Variants in CCDC192 observed in about 807,000 individuals in gnomAD.
CCDC192 encodes the protein coiled-coil domain containing 192, also known as coiled-coil domain-containing protein 192.
In CCDC192 at chr5:127,766,885, C is replaced by T. The variant is rs1380276402; in HGVS notation, c.222+12510C>T. Among the ~76,000 whole-genome samples the T allele has an allele frequency of 2.6e-5, 4 of 152,274 alleles. No homozygotes were observed. The East Asian group carries it at 7.7e-4, about 29-fold the overall frequency. On this transcript the variant is annotated intron_variant, in intron 3 of 6. Coordinates refer to ENST00000514853, the MANE Select transcript of CCDC192 (RefSeq NM_001317938.2). ...TCCATTCTGGTGGGAACAATCACTT[C>T]CTGCTTTAAAATTCATCTGGGAACA...
intron 6 of CCDC192, among the ~76,000 whole-genome samples, chr5:127,888,503 G>A (rs1752640863): frequency 6.6e-6 from 1 of 151,612 alleles, no homozygotes; most frequent in African/African-American, 2.4e-5. Flanking sequence ...TTTGAAATCA[G>A]GACCATGCTC....
intron 4 of CCDC192, 24 bp from the exon 5 acceptor site, chr5:127,798,082 T>C: frequency 2.5e-6 from 1 of 398,056 alleles, no homozygotes; most frequent in Non-Finnish European, 4.4e-6. Flanking sequence ...ACATACTTAG[T>C]TTCTAAACTT....
intron 6 of CCDC192, among the ~76,000 whole-genome samples, chr5:127,888,557 G>C (rs1234912287): frequency 1.3e-5 from 2 of 151,880 alleles, no homozygotes; most frequent in Non-Finnish European, 2.9e-5. Flanking sequence ...ATTCATATAG[G>C]ATTGCAGGAG....
intron 3 of CCDC192, among the ~76,000 whole-genome samples, chr5:127,755,275 C>T (rs544006820): frequency 6.6e-6 from 1 of 152,024 alleles, no homozygotes; most frequent in East Asian, 1.9e-4. Context: ...AGGTAGTCTC[C>T]CTGTATAGTG....
At chr5:127,778,555 G>C (rs1316466736) in intron 3 of CCDC192, among the ~76,000 whole-genome samples, 1 of 152,112 alleles carries the variant, frequency 6.6e-6, no homozygotes, top group Non-Finnish European at 1.5e-5. Context: ...ATTCATAAAG[G>C]ATATTAGGCT....
intron 5 of CCDC192, among the ~76,000 whole-genome samples, chr5:127,815,926 A>G (rs1267169068): frequency 6.6e-6 from 1 of 152,198 alleles, no homozygotes; most frequent in African/African-American, 2.4e-5. Context: ...GTCAAAATCC[A>G]TGACTGATTA....
At position 127,896,258 on chromosome 5, in the gene CCDC192, G is replaced by A. The variant is rs116315428; in HGVS notation, c.535+20597G>A. ...GTTAGAGACCAGCCTGGGCAACATA[G>A]TGAGACCCCCGTCCCTACAAATAAT... On this transcript the variant is annotated intron_variant, in intron 6 of 6. Transcript: ENST00000514853. 6.3e-3 allele frequency among the ~76,000 whole-genome samples: 953 copies of A among 152,158 alleles called. 15 individuals are homozygous for A. The highest frequency in any genetic ancestry group is 0.021 in the African/African-American group (886 of 41,504).
chr5:127,804,136 G>A (rs1331390527), intron 5 of CCDC192, among the ~76,000 whole-genome samples: 4 of 152,142 alleles, frequency 2.6e-5, no homozygotes, highest in East Asian at 3.8e-4. Context: ...CTGTAAGAGC[G>A]GACTGCTCCC....
intron 3 of CCDC192, among the ~76,000 whole-genome samples, chr5:127,762,727 A>G (rs1239025391): frequency 6.6e-6 from 1 of 152,210 alleles, no homozygotes. Context: ...AAAAAGCCTC[A>G]TGCCTTAAGA....
intron 5 of CCDC192, among the ~76,000 whole-genome samples, chr5:127,847,401 C>G (rs116625162): frequency 1.4e-3 from 216 of 152,222 alleles, no homozygotes; most frequent in African/African-American, 4.2e-3. Context: ...CTTTTAAAGA[C>G]CAATCTACTT....
intron 3 of CCDC192, among the ~76,000 whole-genome samples, chr5:127,762,216 T>G (rs1314538652): frequency 6.6e-6 from 1 of 152,248 alleles, no homozygotes; most frequent in African/African-American, 2.4e-5. Flanking sequence ...AATGAGTTTT[T>G]GTTTTCAGAA....
intron 5 of CCDC192, among the ~76,000 whole-genome samples, chr5:127,800,402 C>CAAAAAAAAAAAA (rs772597286): frequency 5.7e-5 from 5 of 88,286 alleles, no homozygotes; most frequent in African/African-American, 9.7e-5. Context: ...AAAAAAAAAA[C>CAAAAAAAAAAAA]AACAACAACA....
At chr5:127,753,130 C>G (rs1053642974) in intron 2 of CCDC192, among the ~76,000 whole-genome samples, 1 of 152,148 alleles carries the variant, frequency 6.6e-6, no homozygotes, top group African/African-American at 2.4e-5. Flanking sequence ...GCCATCTTGG[C>G]TCCTCGCAGT....
intron 2 of CCDC192, among the ~76,000 whole-genome samples, chr5:127,737,347 C>T (rs7733064): frequency 0.029 from 4,374 of 151,912 alleles, 132 homozygotes; most frequent in African/African-American, 0.082. Context: ...GCTTTACTTC[C>T]AAGTATGTGG....
At chr5:127,723,866 G>C (rs790835) in intron 2 of CCDC192, among the ~76,000 whole-genome samples, 58,318 of 152,020 alleles carry the variant, frequency 0.38, 11,483 homozygotes, top group Middle Eastern at 0.45. Flanking sequence ...GGAAATAATA[G>C]CCCCAGGTCT....
chr5:127,820,350 G>C (rs1749226486), intron 5 of CCDC192, among the ~76,000 whole-genome samples: 1 of 152,240 alleles, frequency 6.6e-6, no homozygotes, highest in South Asian at 2.1e-4. Context: ...GGGAGGCCGA[G>C]GCGGGTGGAT....
chr5:127,922,859 G>A (rs919101498), intron 6 of CCDC192, among the ~76,000 whole-genome samples: 6 of 152,252 alleles, frequency 3.9e-5, no homozygotes, highest in Admixed American at 3.3e-4. Context: ...GATGTGGGGA[G>A]TATTTGTTGA....
chr5:127,779,962 G>T (rs558667492), intron 3 of CCDC192, among the ~76,000 whole-genome samples: 5 of 151,808 alleles, frequency 3.3e-5, no homozygotes, highest in African/African-American at 1.2e-4. Flanking sequence ...TAGCTCCCAT[G>T]TATCAGTGAG....
At chr5:127,808,149 T>C (rs1322514289) in intron 5 of CCDC192, among the ~76,000 whole-genome samples, 1 of 152,180 alleles carries the variant, frequency 6.6e-6, no homozygotes, top group Non-Finnish European at 1.5e-5. Context: ...AAATGGTTAT[T>C]TTGACCATCA....
Sources: gnomAD v4.1 joint callset for allele counts (sites outside exome capture counted in the v4.1 genomes callset) on GRCh38, gnomAD v4.1.1 for gene constraint, MANE v1.5 for transcripts, NCBI Gene and HGNC (gene_info 2026-07-23, HGNC 2026-07-21) for gene names.